The following KLF5 variants were observed in gnomAD, a reference collection of about 807,000 sequenced individuals.
The protein encoded by KLF5 is KLF transcription factor 5.
KLF5 carries 9 observed loss-of-function variants against 36.9 expected under a neutral mutation model. The ratio of observed to expected loss-of-function variants is 0.24; its 90% CI spans 0.15 to 0.43. The LOEUF (loss-of-function observed/expected upper bound fraction) is 0.43. KLF5 is among the 20% of genes least tolerant of loss of function. The probability of loss-of-function intolerance (pLI) is 1.00; values close to 1 mark genes in which losing one functional copy is unlikely to be tolerated. For synonymous variants in KLF5, 246 were observed against 241.7 expected (o/e 1.02, Z -0.17); for missense variants, 524 against 599.5 (o/e 0.87, Z 1.31).
rs80194495 is a variant in KLF5 at position 73,066,945 on chromosome 13, T to C, written c.1195+3062T>C. ...ATTATATTTTATTTATATCTGTACA[T>C]ACATAGTATAGCATAAGGCCTGTAG... On this transcript the variant is annotated intron_variant, in intron 3 of 3. Transcript: ENST00000377687. Among the ~76,000 whole-genome samples the C allele has an allele frequency of 2.0e-3, 301 of 152,338 alleles. 10 individuals carry two copies. In the East Asian group the frequency reaches 0.048, roughly 25 times the overall value.
upstream of KLF5, among the ~76,000 whole-genome samples, chr13:73,055,516 T>C (rs1157682168): frequency 5.9e-5 from 9 of 152,324 alleles, no homozygotes; most frequent in East Asian, 1.5e-3. Flanking sequence ...CTAATCTCAG[T>C]TGAAGCTTCT....
chr13:73,059,913 C>A, intron 1 of KLF5: 1 of 484,390 alleles, frequency 2.1e-6, no homozygotes, highest in Non-Finnish European at 2.7e-6. Flanking sequence ...AAACCTTGTA[C>A]CTTACGCTCA....
rs1594391367 is a variant in KLF5 at position 73,059,238 on chromosome 13, A to G, written c.-90A>G. ...CCGAAACCTCCCCTCCTCCGCCGGC[A>G]GCCCCGCGCTGAGCTCGCCGACCCA... On this transcript the variant is annotated 5_prime_UTR_variant, in exon 1 of 4. Transcript: ENST00000377687. 2 of 1,206,106 alleles carry G rather than the reference A, an allele frequency of 1.7e-6. No homozygotes were observed. The highest frequency in any genetic ancestry group is 4.3e-5 in the Admixed American group (1 of 23,436). The allele number at this position is 1,206,106 out of a possible 1,614,324, so 74.7% of individuals were successfully genotyped here.
chr13:73,062,637 C>G lies in KLF5; in HGVS notation c.1038C>G (p.Thr346=). 6.2e-7 allele frequency: 1 copy of G among 1,614,168 alleles called. No homozygotes were observed. Among genetic ancestry groups the G allele is most frequent in the Non-Finnish European group, 8.5e-7 (1 of 1,180,010 alleles). Residue 346 remains threonine, a synonymous_variant, in exon 2 of 4, where the codon ACC becomes ACG. Coordinates refer to ENST00000377687, the MANE Select transcript of KLF5 (RefSeq NM_001730.5). ...LAIHNPNLPT[T]LPVNSQNIQP... ...TTCACAATCCAAATTTACCCACCAC[C>G]CTGCCAGTTAACTCACAAAACATCC...
At chr13:73,064,391 G>C (rs1395310392) in intron 3 of KLF5, among the ~76,000 whole-genome samples, 1 of 152,158 alleles carries the variant, frequency 6.6e-6, no homozygotes, top group East Asian at 1.9e-4. Context: ...TGAAATTGCA[G>C]TGTTAAAATC....
intron 3 of KLF5, among the ~76,000 whole-genome samples, chr13:73,064,505 A>C (rs115797771): frequency 0.06 from 9,065 of 152,184 alleles, 346 homozygotes; most frequent in East Asian, 0.094. Context: ...TATGCTTTTA[A>C]GTTTAGCTCC....
rs2044610227 is a variant in KLF5, at chr13:73,059,297, C to T, written c.-31C>T. The T allele has an allele frequency of 1.5e-6, 2 of 1,341,676 alleles. No homozygotes were observed. The highest frequency in any genetic ancestry group is 1.9e-6 in the Non-Finnish European group (2 of 1,046,662). The allele number at this position is 1,341,676 out of a possible 1,614,324, so 83.1% of individuals were successfully genotyped here. On this transcript the variant is annotated 5_prime_UTR_variant, in exon 1 of 4. Transcript: ENST00000377687. ...TGGGCGAGGTGGGAAGTGCGCCCGACCCGCGCCTGGAGCTGCGCCCCCGAG... is the reference window on the plus strand; with the variant it reads ...TGGGCGAGGTGGGAAGTGCGCCCGATCCGCGCCTGGAGCTGCGCCCCCGAG...
chr13:73,072,510 T>A (rs932662271), intron 3 of KLF5, among the ~76,000 whole-genome samples: 1 of 152,194 alleles, frequency 6.6e-6, no homozygotes, highest in Admixed American at 6.6e-5. Context: ...CTTTAGAATC[T>A]GGAAATGAAT....
rs2044646824 is a variant in KLF5 at position 73,062,708 on chromosome 13, G to A, written c.1109G>A (p.Arg370Gln). 6.2e-7 allele frequency: 1 copy of A among 1,613,948 alleles called. No homozygotes were observed. Reference sequence around the variant, plus strand: ...AGGAGTAACCCCGATTTGGAGAAACGACGCATCCACTACTGCGATTACCCT... The same window carrying A: ...AGGAGTAACCCCGATTTGGAGAAACAACGCATCCACTACTGCGATTACCCT... ...NRRSNPDLEKRRIHYCDYPGC... is the reference protein window; with the variant it reads ...NRRSNPDLEKQRIHYCDYPGC... The change falls in exon 2 of 4, where the codon CGA (arginine) becomes CAA (glutamine). Residue 370 changes from arginine (R) to glutamine (Q), a missense_variant. Physicochemically the swap from Arg to Gln is conservative, Grantham distance 43. This residue lies in a region of KLF5 where 46 missense variants were observed against 105.8 expected (regional missense o/e 0.43). Transcript: ENST00000377687.
intron 3 of KLF5, among the ~76,000 whole-genome samples, chr13:73,070,731 T>C (rs1265589258): frequency 6.6e-6 from 1 of 152,200 alleles, no homozygotes; most frequent in South Asian, 2.1e-4. Flanking sequence ...TTTCCTGAAG[T>C]CCAGTCCAGT....
In KLF5 at chr13:73,077,255, TTTG is replaced by T. The variant is rs2044770765; in HGVS notation, c.*1372_*1374del. 6.5e-6 allele frequency: 1 copy of T among 152,690 alleles called. No individual in the cohort carries two copies. Among genetic ancestry groups the T allele is most frequent in the South Asian group, 2.1e-4 (1 of 4,836 alleles). 9.5% of individuals were successfully genotyped at this position (152,690 alleles called of 1,614,324 possible). On this transcript the variant is annotated 3_prime_UTR_variant, in exon 4 of 4. Transcript: ENST00000377687. ...TTTTCATAACTTGATAAATTATAGT[TTTG>T]TTTGTTAGAAAAGTTGCTCTTAAAA... is the stretch of plus-strand genomic sequence containing the variant.
In KLF5 at chr13:73,062,820, C is replaced by G. The variant is rs950751041; in HGVS notation, c.1135+86C>G. 3.4e-6 allele frequency: 4 copies of G among 1,192,484 alleles called. No individual in the cohort carries two copies. The South Asian group carries it at 4.4e-5, about 13-fold the overall frequency. The allele number at this position is 1,192,484 out of a possible 1,614,324, so 73.9% of individuals were successfully genotyped here. ...GTGCGCGCGCGTGTGCGTGTGTGCA[C>G]GCGCGTGCCCTTTTCAACCTCATGG... On this transcript the variant is annotated intron_variant, in intron 2 of 3. Transcript: ENST00000377687.
chr13:73,062,782 T>A (rs1370710735), intron 2 of KLF5, 48 bp downstream of exon 2: 2 of 1,534,316 alleles, frequency 1.3e-6, no homozygotes, highest in African/African-American at 2.8e-5. Context: ...AGTGTGTGTG[T>A]GTGTGTGTCT....
In KLF5 at chr13:73,063,843, CAA is replaced by C; in HGVS notation, c.1156_1157del (p.Lys386ValfsTer14). 6.2e-7 allele frequency: 1 copy of C among 1,607,958 alleles called. No homozygotes were observed. The highest frequency in any genetic ancestry group is 8.5e-7 in the Non-Finnish European group (1 of 1,174,710). ...DYPGCTKVYT[K>X]SSHLKAHLRT... Reference sequence around the variant, plus strand: ...TTTTAGGTTGCACAAAAGTTTATACCAAGTCTTCTCATTTAAAAGCTCACCTG... The same window carrying C: ...TTTTAGGTTGCACAAAAGTTTATACCGTCTTCTCATTTAAAAGCTCACCTG... On this transcript the variant is annotated frameshift_variant, in exon 3 of 4. Coordinates refer to ENST00000377687, the MANE Select transcript of KLF5 (RefSeq NM_001730.5). LOFTEE classifies it high-confidence loss of function.
intron 3 of KLF5, among the ~76,000 whole-genome samples, chr13:73,074,733 T>TC (rs1471860043): frequency 6.6e-6 from 1 of 152,094 alleles, no homozygotes; most frequent in Non-Finnish European, 1.5e-5. Context: ...ACATACCAAC[T>TC]CAATACTCAA....
At chr13:73,067,903 C>A (rs149845173) in intron 3 of KLF5, among the ~76,000 whole-genome samples, 3 of 149,900 alleles carry the variant, frequency 2.0e-5, no homozygotes, top group African/African-American at 7.4e-5. Flanking sequence ...TGCAATGGTG[C>A]GATCTCGGCT....
Position 73,059,534 on chromosome 13 carries a change from GCCGGCCCAGCCGCCCGCCA to G in KLF5, c.215_233del (p.Gln72ArgfsTer19). 1 of 1,185,934 alleles carries G rather than the reference GCCGGCCCAGCCGCCCGCCA, an allele frequency of 8.4e-7. No homozygotes were observed. Among genetic ancestry groups the G allele is most frequent in the Non-Finnish European group, 1.0e-6 (1 of 962,430 alleles). The allele number at this position is 1,185,934 out of a possible 1,614,324, so 73.5% of individuals were successfully genotyped here. ...AGCCCGCGCCCGCGCAGGCCCCGCAGCCGGCCCAGCCGCCCGCCACCGGCCCGCGGCTGCCTCCAGAGGA... is the reference window on the plus strand; with the variant it reads ...AGCCCGCGCCCGCGCAGGCCCCGCAGCCGGCCCGCGGCTGCCTCCAGAGGA... On this transcript the variant is annotated frameshift_variant, in exon 1 of 4. Coordinates refer to ENST00000377687, the MANE Select transcript of KLF5 (RefSeq NM_001730.5). LOFTEE classifies it high-confidence loss of function.
chr13:73,058,630 A>G (rs1827622646), upstream of KLF5, among the ~76,000 whole-genome samples: 1 of 152,182 alleles, frequency 6.6e-6, no homozygotes, highest in Admixed American at 6.5e-5. Flanking sequence ...AAGACGTGCA[A>G]TACTCTTTTT....
chr13:73,060,975 AG>A (rs1442190871), intron 1 of KLF5, among the ~76,000 whole-genome samples: 2 of 152,148 alleles, frequency 1.3e-5, no homozygotes. Context: ...GGGATGACTG[AG>A]CTTTTTACAG....
Sources: gnomAD v4.1 joint callset for allele counts (sites outside exome capture counted in the v4.1 genomes callset) on GRCh38, gnomAD v4.1.1 for gene constraint, gnomAD v4.1.1 regional missense constraint, MANE v1.5 for transcripts, NCBI Gene and HGNC (gene_info 2026-07-23, HGNC 2026-07-21) for gene names.